Variants in TRMT11 observed in about 807,000 individuals in gnomAD.
The protein encoded by TRMT11 is tRNA (guanine(10)-N(2))-methyltransferase TRMT11.
A neutral mutation model predicts 62.8 loss-of-function variants in TRMT11; 53 were observed. The ratio of observed to expected loss-of-function variants is 0.84; its 90% CI spans 0.68 to 1.06. The LOEUF (loss-of-function observed/expected upper bound fraction) is 1.06. TRMT11 is among the 50% of genes least tolerant of loss of function. The pLI is 0.00. For synonymous variants in TRMT11, 188 were observed against 190.3 expected, an observed-to-expected ratio of 0.99 and a Z score of 0.10; for missense variants, 556 against 553.4, an observed-to-expected ratio of 1.00 and a Z score of -0.05.
At chr6:126,104,814 C>G (rs1025919025) in intron 17 of TRMT11, among the ~76,000 whole-genome samples, 6 of 152,130 alleles carry the variant, frequency 3.9e-5, no homozygotes, top group Non-Finnish European at 8.8e-5. Context: ...CATGAAAACC[C>G]TTAGATTTCT....
chr6:126,237,085 G>C, the TRMT11 span, among the ~76,000 whole-genome samples: 36 of 152,208 alleles, frequency 2.4e-4, no homozygotes, highest in East Asian at 6.0e-3. Flanking sequence ...GAGAGAGAGA[G>C]AGAGAGAGAG....
At chr6:126,215,606 CAAGAGATAG>C in the TRMT11 span, among the ~76,000 whole-genome samples, 1 of 151,904 alleles carries the variant, frequency 6.6e-6, no homozygotes, top group East Asian at 1.9e-4. Flanking sequence ...TTCTTGTAGG[CAAGAGATAG>C]CTGATTCCTG....
At chr6:126,000,128 TG>T (rs1792229047) in intron 7 of TRMT11, among the ~76,000 whole-genome samples, 1 of 152,180 alleles carries the variant, frequency 6.6e-6, no homozygotes, top group African/African-American at 2.4e-5. Context: ...AAAGTATCAA[TG>T]GGCTAGATAG....
chr6:126,004,560 C>T (rs551205641), intron 7 of TRMT11, among the ~76,000 whole-genome samples: 5 of 151,944 alleles, frequency 3.3e-5, no homozygotes, highest in Admixed American at 2.0e-4. Flanking sequence ...TTTGCCTCAT[C>T]GATGGGTGGT....
At chr6:126,126,526 GC>G (rs1777720608) in intron 21 of TRMT11, among the ~76,000 whole-genome samples, 1 of 152,030 alleles carries the variant, frequency 6.6e-6, no homozygotes, top group Non-Finnish European at 1.5e-5. Context: ...AATTGCTTCT[GC>G]CCTGTTTTCA....
At chr6:126,228,152 T>G in the TRMT11 span, among the ~76,000 whole-genome samples, 1 of 152,222 alleles carries the variant, frequency 6.6e-6, no homozygotes, top group Non-Finnish European at 1.5e-5. Flanking sequence ...GTGAAGCTGC[T>G]GTATTACAAA....
In TRMT11 at chr6:126,158,704, G is replaced by C. The variant is rs376976964; in HGVS notation, c.*1824-16121G>C. 1.1e-4 allele frequency among the ~76,000 whole-genome samples: 17 copies of C among 152,170 alleles called. No homozygotes were observed. The South Asian group carries it at 3.1e-3, about 28-fold the overall frequency. ...ATTTGGTATAAACCAGGTTGCAAAG[G>C]CCACTTCAAGCTTGGGGCAATGTCG... On this transcript the variant is annotated intron_variant and NMD_transcript_variant, in intron 21 of 22. Coordinates refer to the TRMT11 transcript ENST00000648977.
At chr6:126,053,800 A>C (rs899716616) in intron 17 of TRMT11, among the ~76,000 whole-genome samples, 1 of 152,142 alleles carries the variant, frequency 6.6e-6, no homozygotes, top group African/African-American at 2.4e-5. Context: ...AATAAAACCT[A>C]CATTTAAAAA....
chr6:126,096,031 G>A (rs1349281201), intron 17 of TRMT11, among the ~76,000 whole-genome samples: 2 of 152,154 alleles, frequency 1.3e-5, no homozygotes, highest in African/African-American at 2.4e-5. Flanking sequence ...TTGATTGCCA[G>A]GCCAAGGTTT....
At chr6:126,150,523 G>A (rs1236724917) in intron 21 of TRMT11, among the ~76,000 whole-genome samples, 1 of 152,114 alleles carries the variant, frequency 6.6e-6, no homozygotes. Flanking sequence ...CTGGCTTTGT[G>A]GTGCCTAGCA....
chr6:126,220,818 T>C, the TRMT11 span, among the ~76,000 whole-genome samples: 1 of 152,104 alleles, frequency 6.6e-6, no homozygotes, highest in Middle Eastern at 3.2e-3. Flanking sequence ...TATGGGTAAA[T>C]TGCATGTCAT....
At chr6:126,174,604 A>T (rs1376657070), upstream of TRMT11, among the ~76,000 whole-genome samples, 2 of 152,154 alleles carry the variant, frequency 1.3e-5, no homozygotes, top group Non-Finnish European at 2.9e-5. Context: ...AGTTAATATA[A>T]ATGCTTTCTG....
chr6:126,207,067 C>T (rs921576056), downstream of TRMT11, among the ~76,000 whole-genome samples: 1 of 152,080 alleles, frequency 6.6e-6, no homozygotes, highest in East Asian at 1.9e-4. Context: ...AGTATAGTTC[C>T]TTTTTCCTTT....
In TRMT11 at chr6:126,164,993, C is replaced by T. The variant is rs141235187; in HGVS notation, c.*1824-9832C>T. On this transcript the variant is annotated intron_variant and NMD_transcript_variant, in intron 21 of 22. Transcript: ENST00000648977. ...GTCCATTTACATGTAAATTTAATAT[C>T]GTTGGCTGGGTGCAGTGGCTCACGC... Among the ~76,000 whole-genome samples the T allele has an allele frequency of 8.6e-3, 1,300 of 151,982 alleles. 15 individuals are homozygous for T. The highest frequency in any genetic ancestry group is 0.03 in the African/African-American group (1,253 of 41,480).
intron 1 of TRMT11, among the ~76,000 whole-genome samples, chr6:126,198,301 C>A: frequency 6.6e-6 from 1 of 152,084 alleles, no homozygotes; most frequent in East Asian, 1.9e-4. Context: ...AAAAAACAAG[C>A]ATAAGAACTA....
intron 7 of TRMT11, among the ~76,000 whole-genome samples, chr6:125,999,958 C>T (rs889506887): frequency 1.3e-5 from 2 of 152,096 alleles, no homozygotes; most frequent in African/African-American, 4.8e-5. Flanking sequence ...GAAAGAAAGA[C>T]TTGGATGACA....
intron 17 of TRMT11, among the ~76,000 whole-genome samples, chr6:126,088,219 C>T (rs1422234102): frequency 4.6e-5 from 7 of 152,016 alleles, no homozygotes; most frequent in Admixed American, 1.3e-4. Context: ...AATTTTATGA[C>T]AGATTATTTT....
At chr6:126,046,337 C>T (rs982121959) in intron 16 of TRMT11, among the ~76,000 whole-genome samples, 5 of 152,150 alleles carry the variant, frequency 3.3e-5, no homozygotes, top group African/African-American at 1.2e-4. Context: ...CAAAGGGTCC[C>T]CAATGCCAAA....
intron 1 of TRMT11, among the ~76,000 whole-genome samples, chr6:125,990,506 G>A (rs1359544376): frequency 6.6e-6 from 1 of 152,136 alleles, no homozygotes; most frequent in East Asian, 1.9e-4. Flanking sequence ...TCTTGCAGCT[G>A]TTTTTGGATT....
Sources: allele counts gnomAD v4.1 joint callset (sites outside exome capture counted in the v4.1 genomes callset), GRCh38; gene constraint gnomAD v4.1.1; transcripts MANE v1.5; gene names NCBI Gene and HGNC (gene_info 2026-07-23, HGNC 2026-07-21).